Variants in CCR3 observed in about 807,000 individuals in gnomAD.
The protein encoded by CCR3 is C-C chemokine receptor type 3.
For synonymous variants in CCR3, 203 were observed against 179.2 expected (o/e 1.13, Z -1.06); for missense variants, 419 against 437.5 (o/e 0.96, Z 0.38).
At chr3:46,247,719 A>C (rs1378359798) in intron 1 of CCR3, among the ~76,000 whole-genome samples, 1 of 152,122 alleles carries the variant, frequency 6.6e-6, no homozygotes, top group Non-Finnish European at 1.5e-5. Context: ...CCCTGTAGGA[A>C]AGGCCTCTAC....
chr3:46,236,413 G>A (rs554540283), intron 2 of CCR3, among the ~76,000 whole-genome samples: 5 of 152,320 alleles, frequency 3.3e-5, no homozygotes, highest in Admixed American at 6.5e-5. Context: ...CAGCCCCATC[G>A]ACAGGCTCCC....
intron 2 of CCR3, among the ~76,000 whole-genome samples, chr3:46,235,693 A>C (rs1381369779): frequency 6.6e-6 from 1 of 152,208 alleles, no homozygotes; most frequent in African/African-American, 2.4e-5. Flanking sequence ...GCCTGAACAA[A>C]ACACTGCATT....
At position 46,265,635 on chromosome 3, in the gene CCR3, C is replaced by T; in HGVS notation, c.477C>T (p.Gly159=). Residue 159 remains glycine, a synonymous_variant, in exon 2 of 2, where the codon GGC becomes GGT. Coordinates refer to ENST00000395940, the MANE Select transcript of CCR3 (RefSeq NM_178329.3). ...TCATCACCAGCATCGTCACCTGGGGCCTGGCAGTGCTAGCAGCTCTTCCTG... is the reference window on the plus strand; with the variant it reads ...TCATCACCAGCATCGTCACCTGGGGTCTGGCAGTGCTAGCAGCTCTTCCTG... ...FGVITSIVTW[G]LAVLAALPEF... is the part of the protein sequence containing the mutation. The T allele has an allele frequency of 6.2e-7, 1 of 1,614,118 alleles. No homozygotes were observed. The highest frequency in any genetic ancestry group is 8.5e-7 in the Non-Finnish European group (1 of 1,179,986).
intron 1 of CCR3, chr3:46,263,676 C>G (rs778046543): frequency 6.6e-6 from 1 of 152,184 alleles, no homozygotes; most frequent in Non-Finnish European, 1.5e-5. Flanking sequence ...CACATACACT[C>G]TCATTTTTCC....
At chr3:46,230,508 T>G (rs1021928633) in intron 2 of CCR3, among the ~76,000 whole-genome samples, 2 of 152,052 alleles carry the variant, frequency 1.3e-5, no homozygotes, top group Non-Finnish European at 2.9e-5. Flanking sequence ...AGAGCTGGAT[T>G]CCAGGACAAG....
chr3:46,240,950 T>C (rs982209386), upstream of CCR3, among the ~76,000 whole-genome samples: 1 of 152,234 alleles, frequency 6.6e-6, no homozygotes, highest in Non-Finnish European at 1.5e-5. Context: ...TATGCTATAT[T>C]GAATATGCTG....
chr3:46,264,571 G>A (rs912507977), intron 1 of CCR3: 2 of 656,752 alleles, frequency 3.0e-6, no homozygotes, highest in Non-Finnish European at 5.1e-6. Flanking sequence ...ATATTTACTT[G>A]TTAGAGGATT....
intron 2 of CCR3, among the ~76,000 whole-genome samples, chr3:46,211,633 A>G (rs1482581901): frequency 6.6e-6 from 1 of 152,134 alleles, no homozygotes; most frequent in African/African-American, 2.4e-5. Context: ...TAAGGTGAAG[A>G]GCTAAGTTTG....
chr3:46,255,063 T>C (rs1034820699), intron 1 of CCR3, among the ~76,000 whole-genome samples: 1 of 10,602 alleles, frequency 9.4e-5, no homozygotes, highest in African/African-American at 6.8e-4. Context: ...CAACATCTAT[T>C]TTTTTTTTTA....
At chr3:46,258,834 A>G (rs552258298) in intron 1 of CCR3, among the ~76,000 whole-genome samples, 2 of 152,266 alleles carry the variant, frequency 1.3e-5, no homozygotes, top group African/African-American at 4.8e-5. Context: ...AGTCTGAAAA[A>G]TACCCCAAAA....
At position 46,266,414 on chromosome 3, in the gene CCR3, A is replaced by G. The variant is rs201964825; in HGVS notation, c.*188A>G. 31 of 558,740 alleles carry G rather than the reference A, an allele frequency of 5.5e-5. No homozygotes were observed. Among genetic ancestry groups the G allele is most frequent in the African/African-American group, 3.8e-4 (20 of 52,702 alleles). 34.6% of individuals were successfully genotyped at this position (558,740 alleles called of 1,614,324 possible). On this transcript the variant is annotated 3_prime_UTR_variant, in exon 2 of 2. Coordinates refer to ENST00000395940, the MANE Select transcript of CCR3 (RefSeq NM_178329.3). Reference sequence around the variant, plus strand: ...TACCCTAAGGTCATTACCACAGGCCAGGGGCTGGGCAGCGTACTCATCATC... The same window carrying G: ...TACCCTAAGGTCATTACCACAGGCCGGGGGCTGGGCAGCGTACTCATCATC...
intron 2 of CCR3, among the ~76,000 whole-genome samples, chr3:46,226,139 A>C (rs1699892626): frequency 6.6e-6 from 1 of 152,174 alleles, no homozygotes; most frequent in Non-Finnish European, 1.5e-5. Flanking sequence ...ATTGTTTTTC[A>C]AAATTATTTT....
At chr3:46,211,932 C>A (rs1423505725) in intron 2 of CCR3, among the ~76,000 whole-genome samples, 1 of 152,126 alleles carries the variant, frequency 6.6e-6, no homozygotes, top group African/African-American at 2.4e-5. Flanking sequence ...AAGATTCTAA[C>A]CTTGAGTTTG....
At chr3:46,247,304 T>G (rs376131715) in intron 1 of CCR3, among the ~76,000 whole-genome samples, 6 of 152,098 alleles carry the variant, frequency 3.9e-5, no homozygotes, top group East Asian at 3.9e-4. Context: ...CAAGTTTTTT[T>G]GGGGCACAGT....
At chr3:46,216,535 C>A (rs1370655211) in intron 2 of CCR3, among the ~76,000 whole-genome samples, 1 of 152,142 alleles carries the variant, frequency 6.6e-6, no homozygotes, top group Non-Finnish European at 1.5e-5. Context: ...ATCTAGGCAC[C>A]TAGTCATCAA....
At chr3:46,256,566 A>AAT (rs1447884563) in intron 1 of CCR3, among the ~76,000 whole-genome samples, 6 of 151,830 alleles carry the variant, frequency 4.0e-5, no homozygotes, top group Admixed American at 3.3e-4. Context: ...AATAGGGAAT[A>AAT]ATATATATAT....
intron 2 of CCR3, among the ~76,000 whole-genome samples, chr3:46,212,173 G>C (rs1347164474): frequency 6.6e-6 from 1 of 152,158 alleles, no homozygotes; most frequent in Admixed American, 6.5e-5. Context: ...GCAGGGCCCA[G>C]GCACCTCAAC....
chr3:46,218,007 C>G (rs1699794525), intron 2 of CCR3, among the ~76,000 whole-genome samples: 1 of 150,494 alleles, frequency 6.6e-6, no homozygotes, highest in South Asian at 2.1e-4. Context: ...AAAAAAAATA[C>G]AAAAGCTAAA....
At chr3:46,226,879 C>A (rs1294669495) in intron 2 of CCR3, among the ~76,000 whole-genome samples, 2 of 150,472 alleles carry the variant, frequency 1.3e-5, no homozygotes, top group South Asian at 2.1e-4. Context: ...TATATATTTT[C>A]TTTTTTAATT....
Sources: gnomAD v4.1 joint callset for allele counts (sites outside exome capture counted in the v4.1 genomes callset) on GRCh38, gnomAD v4.1.1 for gene constraint, MANE v1.5 for transcripts, NCBI Gene and HGNC (gene_info 2026-07-23, HGNC 2026-07-21) for gene names.